The following THSD7B variants were observed in gnomAD, a reference collection of about 807,000 sequenced individuals.
THSD7B encodes the protein thrombospondin type 1 domain containing 7B.
In THSD7B, 138 loss-of-function variants were observed where a neutral mutation model predicts 213.6. The observed-to-expected ratio is 0.65, with a 90% CI of 0.56 to 0.74. The LOEUF is 0.74. Ranked by LOEUF, THSD7B falls within the 30% of genes least tolerant of loss-of-function variation. The probability of loss-of-function intolerance (pLI) is 0.00; values close to 1 mark genes in which losing one functional copy is unlikely to be tolerated. For missense variants in THSD7B, 1,931 were observed against 1,991.5 expected, an observed-to-expected ratio of 0.97 and a Z score of 0.58; for synonymous variants, 742 against 687.0, an observed-to-expected ratio of 1.08 and a Z score of -1.25.
intron 15 of THSD7B, among the ~76,000 whole-genome samples, chr2:137,484,241 A>G (rs1402570294): frequency 1.1e-4 from 16 of 148,154 alleles, no homozygotes; most frequent in Admixed American, 1.0e-3. Flanking sequence ...TTATTGTTCA[A>G]TTCCCAACTA....
In THSD7B at chr2:137,660,665, C is replaced by T. The variant is rs548367134; in HGVS notation, c.4458+919C>T. 3.9e-5 allele frequency among the ~76,000 whole-genome samples: 6 copies of T among 152,240 alleles called. No individual in the cohort carries two copies. In the South Asian group the frequency reaches 1.2e-3, roughly 32 times the overall value. On this transcript the variant is annotated intron_variant, in intron 25 of 27. Transcript: ENST00000409968. The stretch of plus-strand genomic sequence containing the variant: ...CAGAAAATACTTTTTTCCTTGAACT[C>T]TTGAACATATGACTGACTGGTTACA...
intron 15 of THSD7B, among the ~76,000 whole-genome samples, chr2:137,517,964 C>A (rs1900844): frequency 0.31 from 47,040 of 152,020 alleles, 7,452 homozygotes; most frequent in South Asian, 0.33. Context: ...ATGAACTGGG[C>A]GCTTTCTGAC....
At chr2:136,873,381 A>G (rs573327874) in intron 1 of THSD7B, among the ~76,000 whole-genome samples, 2 of 152,176 alleles carry the variant, frequency 1.3e-5, no homozygotes, top group African/African-American at 2.4e-5. Context: ...AGGTCTGCAG[A>G]GTGAGGTGCA....
At chr2:136,971,333 A>G (rs1467730984) in intron 2 of THSD7B, among the ~76,000 whole-genome samples, 1 of 152,148 alleles carries the variant, frequency 6.6e-6, no homozygotes, top group African/African-American at 2.4e-5. Context: ...GTTCTGGCAT[A>G]ATCATTGATA....
chr2:137,270,796 T>A (rs1036408460), intron 10 of THSD7B, among the ~76,000 whole-genome samples: 2 of 152,088 alleles, frequency 1.3e-5, no homozygotes, highest in Non-Finnish European at 2.9e-5. Flanking sequence ...AACATCATTA[T>A]AAAAGATTGA....
intron 3 of THSD7B, among the ~76,000 whole-genome samples, chr2:137,061,958 T>A (rs553548095): frequency 6.6e-6 from 1 of 151,944 alleles, no homozygotes; most frequent in Admixed American, 6.6e-5. Context: ...TGTTTGGTAG[T>A]GAACCCTCTG....
intron 15 of THSD7B, among the ~76,000 whole-genome samples, chr2:137,484,318 A>G (rs1340874179): frequency 2.7e-5 from 4 of 147,028 alleles, no homozygotes; most frequent in East Asian, 4.1e-4. Context: ...ATGATTTCCA[A>G]TTTCATCCAT....
At chr2:137,260,064 C>T (rs890900531) in intron 10 of THSD7B, among the ~76,000 whole-genome samples, 4 of 152,156 alleles carry the variant, frequency 2.6e-5, no homozygotes, top group East Asian at 1.9e-4. Flanking sequence ...CAAACCGTCT[C>T]CTGACTTTAA....
At chr2:137,341,969 AC>A (rs1186824109) in intron 12 of THSD7B, among the ~76,000 whole-genome samples, 1 of 151,030 alleles carries the variant, frequency 6.6e-6, no homozygotes, top group African/African-American at 2.4e-5. Context: ...GCTATTCAAG[AC>A]TTTTGTTGTT....
chr2:137,054,473 A>G (rs1687123819), intron 2 of THSD7B, among the ~76,000 whole-genome samples: 1 of 152,200 alleles, frequency 6.6e-6, no homozygotes, highest in Non-Finnish European at 1.5e-5. Flanking sequence ...TACTAAAGTG[A>G]CAGATCCTCA....
intron 12 of THSD7B, among the ~76,000 whole-genome samples, chr2:137,283,540 A>T (rs1336684765): frequency 6.6e-6 from 1 of 152,180 alleles, no homozygotes; most frequent in Non-Finnish European, 1.5e-5. Flanking sequence ...TGGGTTTGTC[A>T]TAGATAGCTC....
At chr2:137,676,416 CTTTT>C (rs1312049559) in intron 27 of THSD7B, 104 bp from the exon 28 acceptor site, 1 of 1,011,428 alleles carries the variant, frequency 9.9e-7, no homozygotes, top group East Asian at 2.8e-5. Context: ...AGAAATGAAT[CTTTT>C]TGTCATTTTA....
intron 2 of THSD7B, among the ~76,000 whole-genome samples, chr2:136,977,367 T>C (rs1168056291): frequency 6.6e-6 from 1 of 152,132 alleles, no homozygotes; most frequent in Non-Finnish European, 1.5e-5. Flanking sequence ...TATTCTTTTT[T>C]ATTAGTCTAC....
At chr2:136,800,164 T>G (rs1682149854) in intron 1 of THSD7B, among the ~76,000 whole-genome samples, 1 of 152,062 alleles carries the variant, frequency 6.6e-6, no homozygotes, top group South Asian at 2.1e-4. Context: ...TCACATTAAT[T>G]AGATTCTATA....
chr2:137,620,789 A>G, intron 20 of THSD7B, 63 bp downstream of exon 20: 1 of 1,363,642 alleles, frequency 7.3e-7, no homozygotes. Context: ...TCAGTATGCC[A>G]TAGCTTGATA....
At chr2:136,940,684 G>A (rs1684805855) in intron 2 of THSD7B, among the ~76,000 whole-genome samples, 2 of 149,526 alleles carry the variant, frequency 1.3e-5, no homozygotes, top group Non-Finnish European at 3.0e-5. Context: ...GAGCCACCGT[G>A]TCTGGCTGAG....
At chr2:136,948,472 A>T (rs1185107305) in intron 2 of THSD7B, among the ~76,000 whole-genome samples, 1 of 150,002 alleles carries the variant, frequency 6.7e-6, no homozygotes. Context: ...GAATACACAC[A>T]CACACATGCA....
intron 9 of THSD7B, among the ~76,000 whole-genome samples, chr2:137,235,614 A>G (rs966032387): frequency 6.6e-6 from 1 of 152,216 alleles, no homozygotes; most frequent in Admixed American, 6.5e-5. Flanking sequence ...TTCTGAGCAC[A>G]TCAGCTTACT....
chr2:137,385,356 A>C (rs1263509171), intron 12 of THSD7B, among the ~76,000 whole-genome samples: 1 of 152,186 alleles, frequency 6.6e-6, no homozygotes, highest in Non-Finnish European at 1.5e-5. Context: ...GCAAGAGGGC[A>C]CCTGCCCTGG....
Sources: gnomAD v4.1 joint callset for allele counts (sites outside exome capture counted in the v4.1 genomes callset) on GRCh38, gnomAD v4.1.1 for gene constraint, MANE v1.5 for transcripts, NCBI Gene and HGNC (gene_info 2026-07-23, HGNC 2026-07-21) for gene names.